The following E2F3 variants were observed in gnomAD, a reference collection of about 807,000 sequenced individuals.
The protein encoded by E2F3 is transcription factor E2F3.
Under a neutral mutation model 44.4 loss-of-function variants are expected in E2F3, and 11 were observed. The observed-to-expected ratio is 0.25, with a 90% CI of 0.16 to 0.41. The LOEUF (loss-of-function observed/expected upper bound fraction) is 0.41, where lower values mean the gene tolerates loss of function less well. E2F3 is among the 10% of genes least tolerant of loss of function. The probability of loss-of-function intolerance (pLI) is 1.00; values close to 1 mark genes in which losing one functional copy is unlikely to be tolerated. For missense variants in E2F3, 487 were observed against 583.6 expected (o/e 0.83, Z 1.70); for synonymous variants, 249 against 253.0 (o/e 0.98, Z 0.15).
At chr6:20,447,399 T>C (rs2127598982) in intron 1 of E2F3, among the ~76,000 whole-genome samples, 1 of 151,800 alleles carries the variant, frequency 6.6e-6, no homozygotes, top group South Asian at 2.1e-4. Flanking sequence ...CCATTTTGCC[T>C]TTTCAGACAA....
At chr6:20,438,943 T>C (rs1581601601) in intron 1 of E2F3, among the ~76,000 whole-genome samples, 2 of 152,210 alleles carry the variant, frequency 1.3e-5, no homozygotes. Flanking sequence ...GAGCTATTTT[T>C]GTTGCTGATT....
intron 1 of E2F3, among the ~76,000 whole-genome samples, chr6:20,439,228 G>A (rs1245845734): frequency 6.6e-6 from 1 of 151,938 alleles, no homozygotes; most frequent in Non-Finnish European, 1.5e-5. Context: ...TAGAACCATC[G>A]AGGGAATTAA....
At chr6:20,416,119 C>T (rs4142184) in intron 1 of E2F3, among the ~76,000 whole-genome samples, 31,826 of 152,124 alleles carry the variant, frequency 0.21, 3,932 homozygotes, top group East Asian at 0.45. Context: ...GTGCTGGCTC[C>T]GTCCCTGGCC....
chr6:20,478,635 C>A (rs538004148), intron 1 of E2F3, among the ~76,000 whole-genome samples: 69 of 152,282 alleles, frequency 4.5e-4, no homozygotes, highest in South Asian at 3.7e-3. Flanking sequence ...ATGGCGAAAC[C>A]CCGTCTCTAC....
chr6:20,403,045 G>A (rs1759362788), intron 1 of E2F3, among the ~76,000 whole-genome samples: 1 of 152,188 alleles, frequency 6.6e-6, no homozygotes, highest in East Asian at 1.9e-4. Context: ...GGCTCTGAGG[G>A]GTTGAAACCG....
At position 20,493,325 on chromosome 6, in the gene E2F3, AGAATTCAGTGT is replaced by A. The variant is rs1381503140; in HGVS notation, c.*2897_*2907del. 1 of 220,622 alleles carries A rather than the reference AGAATTCAGTGT, an allele frequency of 4.5e-6. No individual in the cohort carries two copies. Among genetic ancestry groups the A allele is most frequent in the African/African-American group, 2.2e-5 (1 of 44,576 alleles). 13.7% of individuals were successfully genotyped at this position (220,622 alleles called of 1,614,324 possible). On this transcript the variant is annotated 3_prime_UTR_variant, in exon 7 of 7. Coordinates refer to ENST00000346618, the MANE Select transcript of E2F3 (RefSeq NM_001949.5). Reference sequence around the variant, plus strand: ...TTAAGCTTTCAGGAAAAAGAAAATAAGAATTCAGTGTGTGCATGACAACTCGTGTGTATGAG... The same window carrying A: ...TTAAGCTTTCAGGAAAAAGAAAATAAGTGCATGACAACTCGTGTGTATGAG...
At position 20,488,201 on chromosome 6, in the gene E2F3, C is replaced by T; in HGVS notation, c.1088C>T (p.Thr363Ile). ...ACTGAAACACACAGTCCAATGAAAA[C>T]AAACAACCAAGACCACAATGGGAAT... ...EETETHSPMKTNNQDHNGNIP... is the reference protein window; with the variant it reads ...EETETHSPMKINNQDHNGNIP... Residue 363 changes from threonine to isoleucine, a missense_variant, in exon 6 of 7, where the codon ACA becomes ATA. Transcript: ENST00000346618. 7 of 1,611,052 alleles carry T rather than the reference C, an allele frequency of 4.3e-6. No homozygotes were observed. Among genetic ancestry groups the T allele is most frequent in the Non-Finnish European group, 5.1e-6 (6 of 1,179,302 alleles).
chr6:20,448,739 T>C (rs1008029953), intron 1 of E2F3, among the ~76,000 whole-genome samples: 25 of 152,198 alleles, frequency 1.6e-4, no homozygotes, highest in African/African-American at 3.6e-4. Context: ...TCCTGAAGTC[T>C]ATAATTAGGT....
chr6:20,473,621 G>A (rs913099749), intron 1 of E2F3, among the ~76,000 whole-genome samples: 1 of 152,170 alleles, frequency 6.6e-6, no homozygotes, highest in Non-Finnish European at 1.5e-5. Flanking sequence ...GAAAGTCTGT[G>A]GCATGTGTGC....
chr6:20,482,722 C>T lies in E2F3; in HGVS notation c.726-40C>T, dbSNP rs757098415. 1.4e-5 allele frequency: 21 copies of T among 1,532,692 alleles called. No individual in the cohort carries two copies. In the African/African-American group the frequency reaches 1.8e-4, roughly 13 times the overall value. 94.9% of individuals were successfully genotyped at this position (1,532,692 alleles called of 1,614,324 possible). On this transcript the variant is annotated intron_variant, in intron 3 of 6. Transcript: ENST00000346618. ...AGGATCATTTCTCCTTCCCCTCCCT[C>T]CCATGAGTAGCCATGAAGAGTCTGT...
At chr6:20,484,793 A>G (rs181810733) in intron 4 of E2F3, among the ~76,000 whole-genome samples, 23 of 152,248 alleles carry the variant, frequency 1.5e-4, no homozygotes, top group Non-Finnish European at 2.8e-4. Flanking sequence ...AGTTTCTAAT[A>G]AGAAGCTACT....
At chr6:20,483,828 T>C (rs1030625439) in intron 4 of E2F3, among the ~76,000 whole-genome samples, 2 of 152,252 alleles carry the variant, frequency 1.3e-5, no homozygotes, top group Non-Finnish European at 2.9e-5. Flanking sequence ...AACTAAAAAG[T>C]GTTCTGCCCA....
chr6:20,413,118 C>T (rs1561848155), intron 1 of E2F3, among the ~76,000 whole-genome samples: 1 of 152,224 alleles, frequency 6.6e-6, no homozygotes, highest in Non-Finnish European at 1.5e-5. Flanking sequence ...GCTCCATAGT[C>T]TCAGCTTATT....
chr6:20,467,950 C>A (rs778664814), intron 1 of E2F3, among the ~76,000 whole-genome samples: 1 of 151,636 alleles, frequency 6.6e-6, no homozygotes, highest in Non-Finnish European at 1.5e-5. Context: ...TTCTCACCCC[C>A]CAACCCCTTT....
At chr6:20,416,222 C>CAG (rs1759841254) in intron 1 of E2F3, among the ~76,000 whole-genome samples, 1 of 152,222 alleles carries the variant, frequency 6.6e-6, no homozygotes, top group Admixed American at 6.5e-5. Context: ...GACAGTTCAA[C>CAG]AGTAAGCAGC....
At chr6:20,472,886 ATAT>A (rs1317246751) in intron 1 of E2F3, among the ~76,000 whole-genome samples, 2 of 152,208 alleles carry the variant, frequency 1.3e-5, no homozygotes, top group Non-Finnish European at 2.9e-5. Context: ...AATTAATACA[ATAT>A]TATGCAGCTA....
Position 20,481,441 on chromosome 6 carries a change from C to T in E2F3, c.725+16C>T. ...TCCAATGGATGTGAGTAGGAGTCCT[C>T]CCCATGCCCCGGCTCTGAGGGGGTC... On this transcript the variant is annotated intron_variant, in intron 3 of 6. Coordinates refer to ENST00000346618, the MANE Select transcript of E2F3 (RefSeq NM_001949.5). 1 of 1,612,028 alleles carries T rather than the reference C, an allele frequency of 6.2e-7. No individual in the cohort carries two copies. Among genetic ancestry groups the T allele is most frequent in the East Asian group, 2.2e-5 (1 of 44,844 alleles).
chr6:20,433,790 G>A (rs1239345964), intron 1 of E2F3, among the ~76,000 whole-genome samples: 1 of 151,802 alleles, frequency 6.6e-6, no homozygotes, highest in Non-Finnish European at 1.5e-5. Flanking sequence ...TGAGAAAAGG[G>A]GTCCAATAGA....
chr6:20,422,564 G>A (rs1175121982), intron 1 of E2F3, among the ~76,000 whole-genome samples: 1 of 152,154 alleles, frequency 6.6e-6, no homozygotes, highest in Non-Finnish European at 1.5e-5. Context: ...TCCTCACCAA[G>A]CTTAATAATT....
Sources: allele counts gnomAD v4.1 joint callset (sites outside exome capture counted in the v4.1 genomes callset), GRCh38; gene constraint gnomAD v4.1.1; transcripts MANE v1.5; gene names NCBI Gene and HGNC (gene_info 2026-07-23, HGNC 2026-07-21).